LAMA1: variants seen among roughly 807,000 people sequenced by gnomAD.
The protein encoded by LAMA1 is laminin subunit alpha 1.
A neutral mutation model predicts 348.7 loss-of-function variants in LAMA1; 219 were observed. The observed-to-expected ratio is 0.63, with a 90% confidence interval of 0.56 to 0.70. The LOEUF is 0.70. Among genes scored for constraint, LAMA1 ranks in the 30% least tolerant of loss-of-function variants. LAMA1 has a pLI of 0.00. For missense variants in LAMA1, 3,744 were observed against 3,888.0 expected (o/e 0.96, Z 0.99); for synonymous variants, 1,487 against 1,491.0 (o/e 1.00, Z 0.06).
At chr18:6,964,010 A>C (rs2057621065) in intron 51 of LAMA1, 1 of 152,536 alleles carries the variant, frequency 6.6e-6, no homozygotes, top group Non-Finnish European at 1.4e-5. Flanking sequence ...AGAAAGCATG[A>C]TTTCTTTTTT....
intron 9 of LAMA1, among the ~76,000 whole-genome samples, chr18:7,041,385 A>G (rs2058019710): frequency 7.6e-6 from 1 of 132,412 alleles, no homozygotes. Flanking sequence ...CATCATCTTC[A>G]TTATTATCAT....
chr18:7,094,937 T>C (rs1320992780), intron 1 of LAMA1, among the ~76,000 whole-genome samples: 1 of 152,204 alleles, frequency 6.6e-6, no homozygotes, highest in East Asian at 1.9e-4. Flanking sequence ...TTTCGAGAAA[T>C]TGAAGAAGTT....
At chr18:7,051,802 A>G (rs2058063175) in intron 3 of LAMA1, among the ~76,000 whole-genome samples, 1 of 152,232 alleles carries the variant, frequency 6.6e-6, no homozygotes, top group Admixed American at 6.5e-5. Context: ...GTGGAGCAAC[A>G]GGAACTCTCA....
chr18:6,975,002 C>G lies in LAMA1; in HGVS notation c.6524G>C (p.Arg2175Thr), dbSNP rs138955237. The G allele has an allele frequency of 3.2e-4, 523 of 1,613,970 alleles. 1 individual carries two copies. The highest frequency in any genetic ancestry group is 4.0e-4 in the Non-Finnish European group (472 of 1,180,018). ...DFLAVEMRRGRVAFLWDLGSG... is the reference protein window; with the variant it reads ...DFLAVEMRRGTVAFLWDLGSG... ...GCCCAGGTCCCACAGGAAGGCCACT[C>G]TCCCTCGCCGCATCTCCACTGCAAG... The change falls in exon 46 of 63, where the codon AGA (arginine) becomes ACA (threonine). Residue 2175 changes from arginine to threonine, a missense_variant. Physicochemically the swap from Arg to Thr is moderately conservative, Grantham distance 71. This residue lies in a region of LAMA1 where 1,983 missense variants were observed against 1,934.3 expected (regional missense o/e 1.03). Transcript: ENST00000389658.
At chr18:6,993,100 A>G (rs1237639884) in intron 35 of LAMA1, among the ~76,000 whole-genome samples, 1 of 152,218 alleles carries the variant, frequency 6.6e-6, no homozygotes, top group African/African-American at 2.4e-5. Context: ...TATTAAGTAT[A>G]CTTTGTTCTA....
intron 48 of LAMA1, among the ~76,000 whole-genome samples, chr18:6,967,837 T>C (rs915898576): frequency 2.0e-5 from 3 of 152,166 alleles, no homozygotes; most frequent in African/African-American, 7.2e-5. Context: ...GCTTTCTCCC[T>C]TCCCAGAGCC....
chr18:7,117,312 C>T (rs1238246256), intron 1 of LAMA1, among the ~76,000 whole-genome samples: 1 of 151,444 alleles, frequency 6.6e-6, no homozygotes, highest in Non-Finnish European at 1.5e-5. Context: ...CCCCGGCGCC[C>T]CGCTCCGGGC....
At chr18:7,086,190 G>T (rs949152418) in intron 1 of LAMA1, among the ~76,000 whole-genome samples, 1 of 152,136 alleles carries the variant, frequency 6.6e-6, no homozygotes, top group Non-Finnish European at 1.5e-5. Context: ...CTGACCCCAG[G>T]GTTCTCACAA....
rs1328146302 is a variant in LAMA1 at position 6,991,300 on chromosome 18, TA to T, written c.5168+1260del. Reference sequence around the variant, plus strand: ...TGCTGGTGGCAGTGAACATTGTTTTTAAAAAATATAAAAAAAAAATTATTTG... The same window carrying T: ...TGCTGGTGGCAGTGAACATTGTTTTTAAAAATATAAAAAAAAAATTATTTG... On this transcript the variant is annotated intron_variant, in intron 36 of 62. Coordinates refer to ENST00000389658, the MANE Select transcript of LAMA1 (RefSeq NM_005559.4). 2.8e-5 allele frequency among the ~76,000 whole-genome samples: 4 copies of T among 143,100 alleles called. No individual in the cohort carries two copies. The East Asian group carries it at 6.1e-4, about 22-fold the overall frequency. 93.9% of individuals were successfully genotyped at this position (143,100 alleles called of 152,430 possible).
intron 2 of LAMA1, 32 bp downstream of exon 2, chr18:7,080,255 G>A: frequency 1.2e-6 from 2 of 1,613,600 alleles, no homozygotes; most frequent in African/African-American, 2.7e-5. Context: ...ACATTCCCAT[G>A]GGAATTTCAG....
At chr18:6,957,789 T>A (rs900085411) in intron 55 of LAMA1, among the ~76,000 whole-genome samples, 1 of 152,028 alleles carries the variant, frequency 6.6e-6, no homozygotes, top group Non-Finnish European at 1.5e-5. Context: ...CCAGTTCTTT[T>A]TTTTTCTGAG....
At chr18:7,099,271 A>G (rs530864341) in intron 1 of LAMA1, among the ~76,000 whole-genome samples, 36 of 150,708 alleles carry the variant, frequency 2.4e-4, no homozygotes, top group East Asian at 2.1e-3. Context: ...TGAAGGCAGC[A>G]TGCTCGTTAA....
At position 7,085,684 on chromosome 18, in the gene LAMA1, C is replaced by T. The variant is rs537949241; in HGVS notation, c.62-5227G>A. ...CCGCCCGCCTCAGCCTCCCAAAGTGCTGGGATTACAGGCGTGAGCCACCGC... is the reference window on the plus strand; with the variant it reads ...CCGCCCGCCTCAGCCTCCCAAAGTGTTGGGATTACAGGCGTGAGCCACCGC... On this transcript the variant is annotated intron_variant, in intron 1 of 62. Coordinates refer to ENST00000389658, the MANE Select transcript of LAMA1 (RefSeq NM_005559.4). Among the ~76,000 whole-genome samples, 36 of 152,272 alleles carry T rather than the reference C, an allele frequency of 2.4e-4. No homozygotes were observed. In the South Asian group the frequency reaches 5.6e-3, roughly 24 times the overall value.
rs1184816654 is a variant in LAMA1, at chr18:6,992,620, T to C, written c.5109A>G (p.Leu1703=). 1 of 1,614,052 alleles carries C rather than the reference T, an allele frequency of 6.2e-7. No individual in the cohort carries two copies. The highest frequency in any genetic ancestry group is 8.5e-7 in the Non-Finnish European group (1 of 1,179,976). Residue 1703 remains leucine, a synonymous_variant, in exon 36 of 63, where the codon CTA becomes CTG. Coordinates refer to ENST00000389658, the MANE Select transcript of LAMA1 (RefSeq NM_005559.4). ...TGAAGTCTCTTATCTGCATGATTTC[T>C]AGCAAAGATGTACCATTCTGTTGCA... is the stretch of plus-strand genomic sequence containing the variant. ...QNMQQNGTSL[L]EIMQIRDFTQ... is the part of the protein sequence containing the mutation.
chr18:6,991,358 A>T (rs1015283300), intron 36 of LAMA1, among the ~76,000 whole-genome samples: 3 of 151,268 alleles, frequency 2.0e-5, no homozygotes, highest in African/African-American at 7.3e-5. Flanking sequence ...CAAAACACAA[A>T]TTCTTTGACT....
rs1385214867 is a variant in LAMA1 at position 7,117,740 on chromosome 18, G to A, written c.-20C>T. The A allele has an allele frequency of 1.3e-6, 2 of 1,594,244 alleles. No individual in the cohort carries two copies. Among genetic ancestry groups the A allele is most frequent in the Non-Finnish European group, 1.7e-6 (2 of 1,176,566 alleles). Reference sequence around the variant, plus strand: ...GCGCATCTCGCCTCCGCCGCCACTCGGTGGGTCTGGGGAGAAAGCCGCGCG... The same window carrying A: ...GCGCATCTCGCCTCCGCCGCCACTCAGTGGGTCTGGGGAGAAAGCCGCGCG... On this transcript the variant is annotated 5_prime_UTR_variant, in exon 1 of 63. Transcript: ENST00000389658.
chr18:7,008,465 G>T (rs776413165), intron 28 of LAMA1, 23 bp downstream of exon 28: 3 of 1,613,514 alleles, frequency 1.9e-6, no homozygotes, highest in Non-Finnish European at 2.5e-6. Context: ...CCAGGAAATA[G>T]ATTTCGACTA....
At chr18:6,953,684 A>G (rs1226206132) in intron 57 of LAMA1, 1 of 152,244 alleles carries the variant, frequency 6.6e-6, no homozygotes, top group Non-Finnish European at 1.5e-5. Flanking sequence ...AATGGAGATA[A>G]TAACAATTCC....
intron 28 of LAMA1, among the ~76,000 whole-genome samples, chr18:7,008,259 T>C (rs2057842311): frequency 6.6e-6 from 1 of 152,154 alleles, no homozygotes; most frequent in Non-Finnish European, 1.5e-5. Flanking sequence ...GTGGTGACAG[T>C]TGTACAACAA....
Sources: gnomAD v4.1 joint callset for allele counts (sites outside exome capture counted in the v4.1 genomes callset) on GRCh38, gnomAD v4.1.1 for gene constraint, gnomAD v4.1.1 regional missense constraint, MANE v1.5 for transcripts, NCBI Gene and HGNC (gene_info 2026-07-23, HGNC 2026-07-21) for gene names.